PKP4: variants seen among roughly 807,000 people sequenced by gnomAD.
PKP4 encodes plakophilin 4.
PKP4 carries 90 observed loss-of-function variants against 145.1 expected under a neutral mutation model. That is an observed-to-expected ratio of 0.62 (90% CI 0.52 to 0.74). The LOEUF is 0.74. Ranked by LOEUF, PKP4 falls within the 30% of genes least tolerant of loss-of-function variation. PKP4 has a pLI of 0.00. For synonymous variants in PKP4, 563 were observed against 577.2 expected, an observed-to-expected ratio of 0.98 and a Z score of 0.35; for missense variants, 1,340 against 1,482.7, an observed-to-expected ratio of 0.90 and a Z score of 1.58.
At chr2:158,567,966 A>G (rs938645641) in intron 2 of PKP4, among the ~76,000 whole-genome samples, 1 of 152,226 alleles carries the variant, frequency 6.6e-6, no homozygotes, top group Non-Finnish European at 1.5e-5. Context: ...CCTGAATGAA[A>G]GAGGGATGGT....
chr2:158,650,322 A>G (rs1349503526), intron 11 of PKP4, among the ~76,000 whole-genome samples: 2 of 152,222 alleles, frequency 1.3e-5, no homozygotes, highest in African/African-American at 4.8e-5. Context: ...GAACTGTATA[A>G]CTACATTATG....
intron 3 of PKP4, among the ~76,000 whole-genome samples, chr2:158,594,131 A>C (rs2049509183): frequency 6.6e-6 from 1 of 152,054 alleles, no homozygotes; most frequent in Non-Finnish European, 1.5e-5. Context: ...TTGTTTGCTC[A>C]TTCTGTTGGT....
intron 1 of PKP4, among the ~76,000 whole-genome samples, chr2:158,484,660 A>T (rs1029072444): frequency 9.2e-5 from 14 of 152,344 alleles, no homozygotes; most frequent in African/African-American, 3.4e-4. Flanking sequence ...TGTGATAAAG[A>T]TGATGACAAT....
intron 2 of PKP4, among the ~76,000 whole-genome samples, chr2:158,539,602 A>G (rs1319438708): frequency 6.6e-6 from 1 of 152,174 alleles, no homozygotes; most frequent in South Asian, 2.1e-4. Flanking sequence ...TTATTTTTCC[A>G]ATTGGTAACT....
intron 4 of PKP4, 142 bp from the exon 5 acceptor site, chr2:158,620,844 GAGTC>G (rs1342671439): frequency 1.1e-5 from 7 of 633,830 alleles, no homozygotes; most frequent in African/African-American, 1.8e-5. Flanking sequence ...ATATAGTTAA[GAGTC>G]AGATGTGCTG....
chr2:158,559,927 C>T (rs1011886960), intron 2 of PKP4, among the ~76,000 whole-genome samples: 4 of 151,826 alleles, frequency 2.6e-5, no homozygotes, highest in African/African-American at 7.3e-5. Flanking sequence ...AGTGCAGTGG[C>T]GCGATCTTGG....
At chr2:158,580,224 A>C (rs1366878865) in intron 3 of PKP4, among the ~76,000 whole-genome samples, 1 of 152,154 alleles carries the variant, frequency 6.6e-6, no homozygotes, top group Non-Finnish European at 1.5e-5. Context: ...GTTTTTTTAA[A>C]ATCTCTAAGT....
Position 158,590,312 on chromosome 2 carries a change from AGTGTGTGTGTGTGT to A in PKP4, c.246-12725_246-12712del, listed in dbSNP as rs57003090. Among the ~76,000 whole-genome samples the A allele has an allele frequency of 9.1e-3, 1,131 of 124,234 alleles. 9 individuals are homozygous for A. The highest frequency in any genetic ancestry group is 0.027 in the African/African-American group (895 of 33,696). 81.5% of individuals were successfully genotyped at this position (124,234 alleles called of 152,430 possible). A position where few individuals can be genotyped will look rare whatever the true frequency, so the allele number is the denominator to read the frequency against. ...TTATAATCCAAGGAGGAATGTCTTG[AGTGTGTGTGTGTGT>A]GTGTGTGTGTGTGTGTGTGTGTGTG... On this transcript the variant is annotated intron_variant, in intron 3 of 21. Transcript: ENST00000389759.
chr2:158,640,711 G>A lies in PKP4; in HGVS notation c.1647G>A (p.Ala549=), dbSNP rs200556653. ...TCCCATCTGTTCAGGCAAATGCAGC[G>A]GCCTACCTGCAGCACCTGTGCTTTG... is the stretch of plus-strand genomic sequence containing the variant. ...HQFPSVQANA[A]AYLQHLCFGD... is the part of the protein sequence containing the mutation. The change falls in exon 10 of 22, where the codon GCG becomes GCA. Residue 549 remains alanine (A), a synonymous_variant. Coordinates refer to ENST00000389759, the MANE Select transcript of PKP4 (RefSeq NM_003628.6). 1.9e-4 allele frequency: 305 copies of A among 1,614,010 alleles called. 1 individual carries two copies. The Admixed American group carries it at 2.9e-3, about 16-fold the overall frequency.
At chr2:158,528,239 A>G (rs940556299) in intron 1 of PKP4, among the ~76,000 whole-genome samples, 18 of 150,670 alleles carry the variant, frequency 1.2e-4, no homozygotes, top group Non-Finnish European at 2.4e-4. Context: ...AACCAATCCA[A>G]ATGTCCAACA....
chr2:158,593,895 T>G (rs2049490596), intron 3 of PKP4, among the ~76,000 whole-genome samples: 1 of 152,232 alleles, frequency 6.6e-6, no homozygotes, highest in South Asian at 2.1e-4. Context: ...GCATACATTT[T>G]ACTCAAACTT....
intron 1 of PKP4, among the ~76,000 whole-genome samples, chr2:158,508,617 A>G (rs2041222108): frequency 6.6e-6 from 1 of 152,082 alleles, no homozygotes; most frequent in African/African-American, 2.4e-5. Context: ...TTCTTTTTCT[A>G]CTCCATCAAA....
chr2:158,628,703 T>A (rs1453669877), intron 7 of PKP4, among the ~76,000 whole-genome samples: 1 of 152,228 alleles, frequency 6.6e-6, no homozygotes, highest in Non-Finnish European at 1.5e-5. Flanking sequence ...TAGTCTGTGC[T>A]TACAAAACCT....
chr2:158,581,414 AC>A (rs1333627360), intron 3 of PKP4, among the ~76,000 whole-genome samples: 1 of 152,184 alleles, frequency 6.6e-6, no homozygotes, highest in African/African-American at 2.4e-5. Flanking sequence ...AGATTTTCTT[AC>A]TTTTCCTGGT....
At chr2:158,493,428 T>A (rs919024559) in intron 1 of PKP4, among the ~76,000 whole-genome samples, 1 of 152,214 alleles carries the variant, frequency 6.6e-6, no homozygotes, top group Non-Finnish European at 1.5e-5. Flanking sequence ...TACAGCCAAA[T>A]CTTCTCACAC....
chr2:158,486,276 T>C (rs956033954), intron 1 of PKP4, among the ~76,000 whole-genome samples: 4 of 152,198 alleles, frequency 2.6e-5, no homozygotes, highest in Admixed American at 6.5e-5. Flanking sequence ...CAATATTAAT[T>C]GTATCTTGCA....
Position 158,640,697 on chromosome 2 carries a change from C to T in PKP4, c.1633C>T (p.Gln545Ter). The change falls in exon 10 of 22, where the codon CAG becomes TAG. Residue 545 changes from glutamine to a stop codon, truncating the protein, a stop_gained. Coordinates refer to ENST00000389759, the MANE Select transcript of PKP4 (RefSeq NM_003628.6). LOFTEE classifies it high-confidence loss of function. The part of the protein sequence containing the change: ...HMLQHQFPSV[Q>*]ANAAAYLQHL... ...GCTTCAGCACCAGTTCCCATCTGTT[C>T]AGGCAAATGCAGCGGCCTACCTGCA... The T allele has an allele frequency of 6.2e-7, 1 of 1,614,104 alleles. No homozygotes were observed. Among genetic ancestry groups the T allele is most frequent in the Non-Finnish European group, 8.5e-7 (1 of 1,179,984 alleles).
intron 1 of PKP4, among the ~76,000 whole-genome samples, chr2:158,504,280 A>C (rs764987950): frequency 1.3e-5 from 2 of 152,248 alleles, no homozygotes; most frequent in Non-Finnish European, 2.9e-5. Context: ...ACAAGTTCCT[A>C]TGAAGTACAC....
chr2:158,648,348 G>C (rs1216258904), intron 11 of PKP4, among the ~76,000 whole-genome samples: 3 of 152,128 alleles, frequency 2.0e-5, no homozygotes, highest in Non-Finnish European at 4.4e-5. Flanking sequence ...AAATTAATAA[G>C]AAAATAATAG....
Sources: allele counts gnomAD v4.1 joint callset (sites outside exome capture counted in the v4.1 genomes callset), GRCh38; gene constraint gnomAD v4.1.1; transcripts MANE v1.5; gene names NCBI Gene and HGNC (gene_info 2026-07-23, HGNC 2026-07-21).